ST18: variants seen among roughly 807,000 people sequenced by gnomAD.
The protein encoded by ST18 is ST18 C2H2C-type zinc finger transcription factor.
Under a neutral mutation model 110.0 loss-of-function variants are expected in ST18, and 50 were observed. That is an observed-to-expected ratio of 0.45 (90% CI 0.36 to 0.58). The LOEUF (loss-of-function observed/expected upper bound fraction) is 0.58, where lower values mean the gene tolerates loss of function less well. Among genes scored for constraint, ST18 ranks in the 20% least tolerant of loss-of-function variants. The pLI, the probability that ST18 is intolerant of heterozygous loss-of-function variation, is 0.00. For synonymous variants in ST18, 461 were observed against 452.4 expected (o/e 1.02, Z -0.24); for missense variants, 1,306 against 1,280.1 (o/e 1.02, Z -0.31).
At chr8:52,398,027 C>T (rs1337944321) in intron 2 of ST18, among the ~76,000 whole-genome samples, 1 of 151,998 alleles carries the variant, frequency 6.6e-6, no homozygotes, top group Non-Finnish European at 1.5e-5. Context: ...CTGTAAACTG[C>T]TTTAAGTAGC....
At chr8:52,162,603 A>G (rs551163681) in intron 13 of ST18, among the ~76,000 whole-genome samples, 192 of 152,310 alleles carry the variant, frequency 1.3e-3, no homozygotes, top group Non-Finnish European at 2.3e-3. Flanking sequence ...CTGTATTATA[A>G]TATCTATCAC....
intron 2 of ST18, among the ~76,000 whole-genome samples, chr8:52,230,802 C>A (rs2091088258): frequency 9.0e-6 from 1 of 110,636 alleles, no homozygotes; most frequent in Non-Finnish European, 1.8e-5. Context: ...ACTGCCGAAC[C>A]CTTGGAAAGA....
intron 3 of ST18, among the ~76,000 whole-genome samples, chr8:52,228,332 C>T (rs2090206927): frequency 6.6e-6 from 1 of 152,046 alleles, no homozygotes; most frequent in Admixed American, 6.6e-5. Flanking sequence ...GGAAAGAAAA[C>T]TATATAGGAA....
intron 24 of ST18, among the ~76,000 whole-genome samples, chr8:52,117,866 T>C (rs1470025462): frequency 6.6e-6 from 1 of 152,236 alleles, no homozygotes; most frequent in Non-Finnish European, 1.5e-5. Context: ...GAATGCAGAA[T>C]TGAGAAATTG....
Position 52,113,191 on chromosome 8 carries a change from T to A in ST18, c.*7A>T. On this transcript the variant is annotated 3_prime_UTR_variant, in exon 26 of 26. Transcript: ENST00000689386. ...GGTAACTTCTGTTGCCCGGCAGCGC[T>A]GTGATCCTACACATGGATACCCTTC... is the stretch of plus-strand genomic sequence containing the variant. 1 of 1,613,768 alleles carries A rather than the reference T, an allele frequency of 6.2e-7. No homozygotes were observed. Among genetic ancestry groups the A allele is most frequent in the South Asian group, 1.1e-5 (1 of 91,042 alleles).
At chr8:52,343,801 C>G (rs1816358213) in intron 2 of ST18, among the ~76,000 whole-genome samples, 1 of 152,186 alleles carries the variant, frequency 6.6e-6, no homozygotes, top group Non-Finnish European at 1.5e-5. Flanking sequence ...CAACACATCC[C>G]TAAAATACTT....
chr8:52,195,665 C>T (rs563524049), intron 8 of ST18, among the ~76,000 whole-genome samples: 1 of 152,006 alleles, frequency 6.6e-6, no homozygotes, highest in African/African-American at 2.4e-5. Context: ...TAGATTGTAT[C>T]TGCTAAAAAA....
intron 2 of ST18, among the ~76,000 whole-genome samples, chr8:52,242,799 G>C (rs2137712139): frequency 6.6e-6 from 1 of 151,820 alleles, no homozygotes; most frequent in South Asian, 2.1e-4. Context: ...TTGAACCCTG[G>C]AGGCAGACGT....
chr8:52,297,294 C>T (rs1261443764), intron 2 of ST18, among the ~76,000 whole-genome samples: 8 of 152,204 alleles, frequency 5.3e-5, no homozygotes, highest in Non-Finnish European at 8.8e-5. Context: ...ATCTCTAAAA[C>T]GGGGTGCTAA....
chr8:52,122,879 TTACTAAAGGA>T (rs2045539287), intron 23 of ST18, among the ~76,000 whole-genome samples: 1 of 152,038 alleles, frequency 6.6e-6, no homozygotes, highest in Admixed American at 6.5e-5. Flanking sequence ...GGCTATTTAG[TTACTAAAGGA>T]GTGAGGAGAG....
chr8:52,269,215 T>C (rs2094987780), intron 2 of ST18, among the ~76,000 whole-genome samples: 1 of 152,236 alleles, frequency 6.6e-6, no homozygotes, highest in Admixed American at 6.5e-5. Flanking sequence ...GGATGTGGAC[T>C]GAGGGTTTAC....
At chr8:52,406,282 G>A (rs551263912) in intron 2 of ST18, 1 of 152,342 alleles carries the variant, frequency 6.6e-6, no homozygotes, top group South Asian at 2.1e-4. Flanking sequence ...GAACTTCTTG[G>A]GAGGTAATTA....
chr8:52,235,554 C>G (rs1439707037), intron 2 of ST18, among the ~76,000 whole-genome samples: 1 of 152,156 alleles, frequency 6.6e-6, no homozygotes, highest in Non-Finnish European at 1.5e-5. Context: ...TTTAGGAGAA[C>G]AATGGACCAA....
At chr8:52,341,144 A>G (rs957702491) in intron 2 of ST18, among the ~76,000 whole-genome samples, 2 of 152,214 alleles carry the variant, frequency 1.3e-5, no homozygotes, top group African/African-American at 4.8e-5. Context: ...ATCTTAGTTC[A>G]CACAAAATAA....
At chr8:52,270,806 T>C (rs1359143846) in intron 2 of ST18, among the ~76,000 whole-genome samples, 1 of 152,176 alleles carries the variant, frequency 6.6e-6, no homozygotes, top group Admixed American at 6.5e-5. Context: ...AGTGGTGAAG[T>C]GTACACAACT....
chr8:52,161,620 A>G (rs757488469), intron 13 of ST18, 52 bp from the exon 14 acceptor site: 39 of 1,582,334 alleles, frequency 2.5e-5, no homozygotes, highest in Non-Finnish European at 3.4e-5. Context: ...ACTACTGGTG[A>G]GCACATTAGT....
chr8:52,304,672 A>G (rs750957898), intron 2 of ST18, among the ~76,000 whole-genome samples: 4 of 152,168 alleles, frequency 2.6e-5, no homozygotes, highest in Non-Finnish European at 5.9e-5. Flanking sequence ...TTGGGCTGCT[A>G]TTACAAATTA....
At chr8:52,181,267 C>T (rs1279296570) in intron 8 of ST18, among the ~76,000 whole-genome samples, 1 of 152,178 alleles carries the variant, frequency 6.6e-6, no homozygotes, top group African/African-American at 2.4e-5. Context: ...AAGGATATGA[C>T]TTACTCCATC....
Position 52,249,012 on chromosome 8 carries a change from A to G in ST18, c.-464-18935T>C, listed in dbSNP as rs145732464. On this transcript the variant is annotated intron_variant, in intron 2 of 25. Transcript: ENST00000689386. Reference sequence around the variant, plus strand: ...AGAAGCAGTAAGACTAACTAAATTTAAAGTTGCCTCATACATTTGAAAGTT... The same window carrying G: ...AGAAGCAGTAAGACTAACTAAATTTGAAGTTGCCTCATACATTTGAAAGTT... 2.2e-3 allele frequency among the ~76,000 whole-genome samples: 340 copies of G among 152,268 alleles called. 2 individuals are homozygous for G. The highest frequency in any genetic ancestry group is 5.2e-3 in the Admixed American group (79 of 15,270).
Sources: gnomAD v4.1 joint callset for allele counts (sites outside exome capture counted in the v4.1 genomes callset) on GRCh38, gnomAD v4.1.1 for gene constraint, MANE v1.5 for transcripts, NCBI Gene and HGNC (gene_info 2026-07-23, HGNC 2026-07-21) for gene names.